Variants in PCDH7 observed in about 807,000 individuals in gnomAD.
PCDH7 encodes protocadherin-7.
PCDH7 carries 17 observed loss-of-function variants against 58.9 expected under a neutral mutation model. That is an observed-to-expected ratio of 0.29 (90% CI 0.20 to 0.43). The LOEUF (loss-of-function observed/expected upper bound fraction) is 0.43. Ranked by LOEUF, PCDH7 falls within the 20% of genes least tolerant of loss-of-function variation. The pLI, the probability that PCDH7 is intolerant of heterozygous loss-of-function variation, is 1.00. For missense variants in PCDH7, 1,274 were observed against 1,441.0 expected, an observed-to-expected ratio of 0.88 and a Z score of 1.88; for synonymous variants, 664 against 616.4, an observed-to-expected ratio of 1.08 and a Z score of -1.14.
At chr4:30,767,355 G>A (rs1240450743) in intron 1 of PCDH7, among the ~76,000 whole-genome samples, 1 of 152,150 alleles carries the variant, frequency 6.6e-6, no homozygotes. Flanking sequence ...AAGAACACGG[G>A]TGATTAGACC....
At chr4:30,783,012 G>A (rs977482830) in intron 1 of PCDH7, 1 of 151,970 alleles carries the variant, frequency 6.6e-6, no homozygotes, top group Non-Finnish European at 1.5e-5. Context: ...CTATACAACT[G>A]TCACAGTAAT....
chr4:31,066,438 T>G (rs1758100769), intron 3 of PCDH7, among the ~76,000 whole-genome samples: 1 of 151,922 alleles, frequency 6.6e-6, no homozygotes, highest in Non-Finnish European at 1.5e-5. Flanking sequence ...ATTCAGAAAA[T>G]TCATAGAATT....
downstream of PCDH7, among the ~76,000 whole-genome samples, chr4:30,737,170 C>A (rs1002967750): frequency 6.6e-6 from 1 of 152,096 alleles, no homozygotes; most frequent in Non-Finnish European, 1.5e-5. Context: ...TCTGGAAACT[C>A]CTCTTCTGTC....
At chr4:30,860,890 T>C (rs914384914) in intron 1 of PCDH7, among the ~76,000 whole-genome samples, 4 of 152,158 alleles carry the variant, frequency 2.6e-5, no homozygotes, top group African/African-American at 9.6e-5. Flanking sequence ...GTACCCAGTA[T>C]GCTGTCATCT....
At chr4:30,781,395 C>G (rs1051299453) in intron 1 of PCDH7, among the ~76,000 whole-genome samples, 17 of 152,056 alleles carry the variant, frequency 1.1e-4, no homozygotes, top group Admixed American at 4.6e-4. Flanking sequence ...CGGCCTCGGC[C>G]TCCCAAAGTG....
At chr4:31,000,990 C>T (rs541339212) in intron 3 of PCDH7, among the ~76,000 whole-genome samples, 13 of 149,760 alleles carry the variant, frequency 8.7e-5, no homozygotes, top group Admixed American at 3.3e-4. Context: ...ATTAATTAAA[C>T]GGGGAAACTA....
intron 1 of PCDH7, among the ~76,000 whole-genome samples, chr4:30,849,444 C>T (rs1000170036): frequency 6.6e-6 from 1 of 152,038 alleles, no homozygotes; most frequent in African/African-American, 2.4e-5. Flanking sequence ...TTCTTCCCTC[C>T]GATTTACCAC....
intron 3 of PCDH7, among the ~76,000 whole-genome samples, chr4:30,959,299 G>A (rs1748161813): frequency 6.6e-6 from 1 of 151,458 alleles, no homozygotes; most frequent in Non-Finnish European, 1.5e-5. Flanking sequence ...AAATTTCAGA[G>A]TAGTTTGCTC....
At chr4:30,777,471 A>G (rs1400838422) in intron 1 of PCDH7, among the ~76,000 whole-genome samples, 1 of 152,158 alleles carries the variant, frequency 6.6e-6, no homozygotes, top group African/African-American at 2.4e-5. Context: ...AGCATTGCTG[A>G]TTATCATTTA....
intron 2 of PCDH7, among the ~76,000 whole-genome samples, chr4:30,946,426 A>T (rs1746682556): frequency 6.6e-6 from 1 of 151,958 alleles, no homozygotes; most frequent in Non-Finnish European, 1.5e-5. Flanking sequence ...TTCCACCACA[A>T]AATCCACCCT....
chr4:30,844,800 C>T (rs1282426256), intron 1 of PCDH7, among the ~76,000 whole-genome samples: 2 of 152,128 alleles, frequency 1.3e-5, no homozygotes, highest in African/African-American at 4.8e-5. Context: ...TATGTGATCA[C>T]TAAGGTTTAA....
downstream of PCDH7, among the ~76,000 whole-genome samples, chr4:30,733,857 G>C (rs1715869277): frequency 6.6e-6 from 1 of 152,082 alleles, no homozygotes. Flanking sequence ...TTGGAATATA[G>C]AAGAATTCCT....
At chr4:30,858,248 T>A in intron 1 of PCDH7, among the ~76,000 whole-genome samples, 1 of 152,188 alleles carries the variant, frequency 6.6e-6, no homozygotes, top group East Asian at 1.9e-4. Context: ...TTTTTTTCTT[T>A]ATCACTAATT....
At chr4:31,000,074 A>G (rs192277859) in intron 3 of PCDH7, among the ~76,000 whole-genome samples, 230 of 152,204 alleles carry the variant, frequency 1.5e-3, no homozygotes, top group Non-Finnish European at 2.7e-3. Flanking sequence ...GTGGCAGTAT[A>G]CAGCTGTGTG....
intron 1 of PCDH7, among the ~76,000 whole-genome samples, chr4:30,799,766 A>G (rs373808845): frequency 3.3e-5 from 5 of 152,104 alleles, no homozygotes; most frequent in African/African-American, 9.7e-5. Flanking sequence ...TACCAGACTT[A>G]TTATTATGAG....
At chr4:30,867,124 C>T (rs558391450) in intron 1 of PCDH7, among the ~76,000 whole-genome samples, 3 of 152,104 alleles carry the variant, frequency 2.0e-5, no homozygotes, top group South Asian at 2.1e-4. Flanking sequence ...TCACCTCAGG[C>T]TGTCTGTACA....
intron 1 of PCDH7, among the ~76,000 whole-genome samples, chr4:30,916,924 T>A (rs1258769364): frequency 1.3e-5 from 2 of 152,196 alleles, no homozygotes; most frequent in Non-Finnish European, 1.5e-5. Context: ...CATTTGTTTT[T>A]TTCACAAGTT....
chr4:31,043,142 C>T (rs972851951), intron 3 of PCDH7, among the ~76,000 whole-genome samples: 8 of 152,088 alleles, frequency 5.3e-5, no homozygotes, highest in Non-Finnish European at 4.4e-5. Context: ...GACCTCATCT[C>T]GTAATACTGT....
intron 3 of PCDH7, among the ~76,000 whole-genome samples, chr4:31,122,915 G>A (rs1717862383): frequency 6.6e-6 from 1 of 151,800 alleles, no homozygotes; most frequent in Non-Finnish European, 1.5e-5. Flanking sequence ...AAAAGATTAA[G>A]TTTCAGTTAA....
Sources: allele counts gnomAD v4.1 joint callset (sites outside exome capture counted in the v4.1 genomes callset), GRCh38; gene constraint gnomAD v4.1.1; transcripts MANE v1.5; gene names NCBI Gene and HGNC (gene_info 2026-07-23, HGNC 2026-07-21).